The following SPTBN2 variants were observed in gnomAD, a reference collection of about 807,000 sequenced individuals.
SPTBN2 encodes the protein spectrin beta, non-erythrocytic 2.
SPTBN2 carries 107 observed loss-of-function variants against 284.2 expected under a neutral mutation model. The observed-to-expected ratio is 0.38, with a 90% CI of 0.32 to 0.44. The LOEUF (loss-of-function observed/expected upper bound fraction) is 0.44. Ranked by LOEUF, SPTBN2 falls within the 20% of genes least tolerant of loss-of-function variation. The pLI is 1.00. For synonymous variants in SPTBN2, 1,289 were observed against 1,354.8 expected (o/e 0.95, Z 1.07); for missense variants, 2,569 against 3,287.1 (o/e 0.78, Z 5.34).
chr11:66,705,883 C>T (rs757365493), intron 13 of SPTBN2, 46 bp from the exon 14 acceptor site: 70 of 1,597,962 alleles, frequency 4.4e-5, no homozygotes, highest in South Asian at 1.0e-4. Flanking sequence ...AGCACAGACG[C>T]GCTAACCTGG....
In SPTBN2 at chr11:66,686,381, C is replaced by T; in HGVS notation, c.6939+17G>A. ...CTGGAATGGCACGGACAGAGAGGAACACGAAGGACAGCTCACCTCATCCTT... is the reference window on the plus strand; with the variant it reads ...CTGGAATGGCACGGACAGAGAGGAATACGAAGGACAGCTCACCTCATCCTT... On this transcript the variant is annotated intron_variant, in intron 37 of 37. Transcript: ENST00000533211. The T allele has an allele frequency of 6.2e-7, 1 of 1,614,138 alleles. No individual in the cohort carries two copies. The highest frequency in any genetic ancestry group is 2.2e-5 in the East Asian group (1 of 44,890).
At position 66,715,285 on chromosome 11, in the gene SPTBN2, G is replaced by A. The variant is rs747600425; in HGVS notation, c.420C>T (p.Asp140=). The A allele has an allele frequency of 4.3e-6, 7 of 1,614,232 alleles. No individual in the cohort carries two copies. The highest frequency in any genetic ancestry group is 5.9e-6 in the Non-Finnish European group (7 of 1,180,046). ...KVHLENMGSH[D]IVDGNHRLTL... is the part of the protein sequence containing the mutation. Reference sequence around the variant, plus strand: ...TCAGTCGGTGGTTTCCGTCCACAATGTCATGGGAGCCCATGTTTTCCAAGT... The same window carrying A: ...TCAGTCGGTGGTTTCCGTCCACAATATCATGGGAGCCCATGTTTTCCAAGT... Residue 140 remains aspartate (D), a synonymous_variant, in exon 5 of 38, where the codon GAC becomes GAT. Coordinates refer to ENST00000533211, the MANE Select transcript of SPTBN2 (RefSeq NM_006946.4). The surrounding 1 kb of genome is among the most constrained non-coding windows in gnomAD (Gnocchi z 5.3).
chr11:66,713,896 C>G, intron 7 of SPTBN2, 150 bp from the exon 8 acceptor site: 1 of 861,318 alleles, frequency 1.2e-6, no homozygotes, highest in Non-Finnish European at 1.9e-6. Context: ...CACAGCCCCT[C>G]CCCACACCAC....
At chr11:66,701,758 G>A (rs761948257) in intron 15 of SPTBN2, 37 bp from the exon 16 acceptor site, 8 of 1,613,872 alleles carry the variant, frequency 5.0e-6, no homozygotes, top group Non-Finnish European at 6.8e-6. Context: ...AATTGTGGGA[G>A]GCAGCGATGT....
At chr11:66,695,839 C>T (rs570113219) in intron 21 of SPTBN2, among the ~76,000 whole-genome samples, 8 of 152,050 alleles carry the variant, frequency 5.3e-5, no homozygotes, top group African/African-American at 1.2e-4. Flanking sequence ...AAGCTATCCT[C>T]CTCCCTCAGC....
upstream of SPTBN2, among the ~76,000 whole-genome samples, chr11:66,732,934 C>T (rs1942823553): frequency 2.7e-5 from 4 of 150,846 alleles, no homozygotes; most frequent in Admixed American, 2.6e-4. Flanking sequence ...CCACTGCACT[C>T]CAGCCTGGGG....
intron 13 of SPTBN2, among the ~76,000 whole-genome samples, chr11:66,706,281 C>T (rs1444057469): frequency 1.3e-5 from 2 of 152,216 alleles, no homozygotes; most frequent in African/African-American, 2.4e-5. Flanking sequence ...TTTTTACAAA[C>T]ATAAGGTACA....
chr11:66,701,777 C>G, intron 15 of SPTBN2, 56 bp from the exon 16 acceptor site: 1 of 1,612,194 alleles, frequency 6.2e-7, no homozygotes, highest in Non-Finnish European at 8.5e-7. Flanking sequence ...GTGCCCAGTC[C>G]ACCTAAGTCC....
chr11:66,694,427 C>T, intron 21 of SPTBN2, 64 bp from the exon 22 acceptor site: 1 of 1,523,988 alleles, frequency 6.6e-7, no homozygotes, highest in Non-Finnish European at 8.9e-7. Context: ...CCAGCAGAGA[C>T]ACCAACCAGT....
chr11:66,700,817 C>T lies in SPTBN2; in HGVS notation c.3282G>A (p.Pro1094=), dbSNP rs114241603. ...TQTAVASEEG[P]ATLPEAEALL... Reference sequence around the variant, plus strand: ...GGGCCTCTGCCTCAGGCAGGGTGGCCGGCCCTTCTTCAGAGGCCACAGCAG... The same window carrying T: ...GGGCCTCTGCCTCAGGCAGGGTGGCTGGCCCTTCTTCAGAGGCCACAGCAG... Residue 1094 remains proline (P), a synonymous_variant, in exon 17 of 38, where the codon CCG becomes CCA. Coordinates refer to ENST00000533211, the MANE Select transcript of SPTBN2 (RefSeq NM_006946.4). This position sits in a 1 kb window ranked among gnomAD's most constrained non-coding sequence, Gnocchi z 6.6. 1,391 of 1,600,478 alleles carry T rather than the reference C, an allele frequency of 8.7e-4. 10 individuals carry two copies. In the African/African-American group the frequency reaches 0.016, roughly 18 times the overall value.
In SPTBN2 at chr11:66,688,254, G is replaced by A; in HGVS notation, c.6289C>T (p.Gln2097Ter). 2.5e-6 allele frequency: 4 copies of A among 1,613,050 alleles called. No individual in the cohort carries two copies. Among genetic ancestry groups the A allele is most frequent in the Non-Finnish European group, 3.4e-6 (4 of 1,179,772 alleles). Residue 2097 changes from glutamine to a stop codon, truncating the protein, a stop_gained, in exon 32 of 38, where the codon CAG (glutamine) becomes TAG (stop). Transcript: ENST00000533211. LOFTEE classifies it high-confidence loss of function. ...GCTGTGGGTTCGGGAGCAGGCGGCT[G>A]TTTCCGCCGCTCCTCCTCCTCCCTC... is the stretch of plus-strand genomic sequence containing the variant. ...RKREEEERRK[Q>*]PPAPEPTASV...
rs1942088325 is a variant in SPTBN2, at chr11:66,715,362, A to T, written c.343T>A (p.Cys115Ser). 6.2e-7 allele frequency: 1 copy of T among 1,613,980 alleles called. No homozygotes were observed. Among genetic ancestry groups the T allele is most frequent in the Non-Finnish European group, 8.5e-7 (1 of 1,179,940 alleles). The change falls in exon 5 of 38, where the codon TGC (cysteine) becomes AGC (serine). Residue 115 changes from cysteine to serine, a missense_variant. By Grantham distance (112) the Cys-to-Ser change is moderately radical. This residue lies in a region of SPTBN2 where 304 missense variants were observed against 522.1 expected (regional missense o/e 0.58). Coordinates refer to ENST00000533211, the MANE Select transcript of SPTBN2 (RefSeq NM_006946.4). This position sits in a 1 kb window ranked among gnomAD's most constrained non-coding sequence, Gnocchi z 5.3. ...AGTGCCTTGTCCACGTTCTCCAGGC[A>T]GTGGATCCGCATGCGGCCCTTTGTA... ...KPTKGRMRIH[C>S]LENVDKALQF...
Position 66,693,048 on chromosome 11 carries a change from G to A in SPTBN2, c.4907C>T (p.Ala1636Val), listed in dbSNP as rs1484351160. 1.2e-6 allele frequency: 2 copies of A among 1,613,820 alleles called. No homozygotes were observed. The highest frequency in any genetic ancestry group is 1.7e-6 in the Non-Finnish European group (2 of 1,180,028). Residue 1636 changes from alanine (A) to valine (V), a missense_variant, in exon 25 of 38, where the codon GCC becomes GTC. By Grantham distance (64) the Ala-to-Val change is moderately conservative (BLOSUM62 0). This residue lies in a region of SPTBN2 where 1,130 missense variants were observed against 1,317.3 expected (regional missense o/e 0.86). Transcript: ENST00000533211. The surrounding 1 kb of genome is among the most constrained non-coding windows in gnomAD (Gnocchi z 5.7). The part of the protein sequence containing the change: ...EVKKHQVLEQ[A>V]LADYAQTIHQ... ...GATGGTCTGCGCGTAGTCGGCCAGG[G>A]CTTGCTCCAGCACCTGGTGCTTCTT...
intron 8 of SPTBN2, among the ~76,000 whole-genome samples, chr11:66,711,238 C>A (rs967629636): frequency 4.6e-5 from 7 of 152,168 alleles, no homozygotes; most frequent in African/African-American, 1.7e-4. Context: ...GAAGGGCCCT[C>A]CAAGCAGAGC....
intron 3 of SPTBN2, among the ~76,000 whole-genome samples, chr11:66,717,023 G>A (rs1482123595): frequency 6.6e-6 from 1 of 152,170 alleles, no homozygotes; most frequent in Non-Finnish European, 1.5e-5. Flanking sequence ...CATTCAGCTG[G>A]CTGCAAGGGG....
intron 1 of SPTBN2, among the ~76,000 whole-genome samples, chr11:66,744,234 G>A (rs781709976): frequency 1.3e-5 from 2 of 152,204 alleles, no homozygotes; most frequent in South Asian, 4.1e-4. Flanking sequence ...TATGTGTATG[G>A]TTATAAAAAA....
At chr11:66,743,826 T>A (rs1473280399) in intron 1 of SPTBN2, among the ~76,000 whole-genome samples, 1 of 152,190 alleles carries the variant, frequency 6.6e-6, no homozygotes, top group Non-Finnish European at 1.5e-5. Flanking sequence ...GGCTGGGAGA[T>A]GCTTGGGGCT....
chr11:66,689,049 G>A (rs1232507606), intron 30 of SPTBN2, 47 bp downstream of exon 30: 2 of 1,563,552 alleles, frequency 1.3e-6, no homozygotes, highest in Admixed American at 1.8e-5. Context: ...CAGGGTGCAG[G>A]ATGCCCCCCA....
At position 66,690,140 on chromosome 11, in the gene SPTBN2, C is replaced by G; in HGVS notation, c.5709G>C (p.Leu1903=). ...QGSSAARRQL[L]LDTTDKFRFF... is the part of the protein sequence containing the mutation. The stretch of plus-strand genomic sequence containing the variant: ...AGCGGAACTTGTCTGTGGTGTCCAG[C>G]AGCAGCTGCCGGCGGGCGGCAGAGC... The change falls in exon 28 of 38, where the codon CTG becomes CTC. Residue 1903 remains leucine, a synonymous_variant. Coordinates refer to ENST00000533211, the MANE Select transcript of SPTBN2 (RefSeq NM_006946.4). 6.2e-7 allele frequency: 1 copy of G among 1,614,220 alleles called. No individual in the cohort carries two copies. Among genetic ancestry groups the G allele is most frequent in the Non-Finnish European group, 8.5e-7 (1 of 1,180,042 alleles).
Sources: gnomAD v4.1 joint callset for allele counts (sites outside exome capture counted in the v4.1 genomes callset) on GRCh38, gnomAD v4.1.1 for gene constraint, gnomAD v4.1.1 regional missense constraint, Gnocchi (gnomAD v3.1) non-coding constraint, MANE v1.5 for transcripts, NCBI Gene and HGNC (gene_info 2026-07-23, HGNC 2026-07-21) for gene names.